Variants in CELF2 observed in about 807,000 individuals in gnomAD.
CELF2 encodes the protein CUGBP Elav-like family member 2.
CELF2 carries 8 observed loss-of-function variants against 62.6 expected under a neutral mutation model. The observed-to-expected ratio is 0.13, with a 90% confidence interval of 0.07 to 0.23. CELF2 has a LOEUF of 0.23. Ranked by LOEUF, CELF2 falls within the 10% of genes least tolerant of loss-of-function variation. The probability of loss-of-function intolerance (pLI) is 1.00; values close to 1 mark genes in which losing one functional copy is unlikely to be tolerated. For synonymous variants in CELF2, 258 were observed against 250.0 expected, an observed-to-expected ratio of 1.03 and a Z score of -0.30; for missense variants, 333 against 671.0, an observed-to-expected ratio of 0.50 and a Z score of 5.56.
the CELF2 span, among the ~76,000 whole-genome samples, chr10:10,612,632 G>C: frequency 6.6e-6 from 1 of 152,160 alleles, no homozygotes. Flanking sequence ...AATTTCTCCA[G>C]GTCTCCATCA....
Position 11,330,252 on chromosome 10 carries a change from G to C in CELF2, c.*1199G>C, listed in dbSNP as rs6602492. 151,486 of 152,762 alleles carry C rather than the reference G, an allele frequency of 0.99. 75,131 individuals are homozygous for C. The highest frequency in any genetic ancestry group is 1 in the Middle Eastern group (294 of 294). 9.5% of individuals were successfully genotyped at this position (152,762 alleles called of 1,614,324 possible). ...CCCCAAAACACCCGGAATCCATCCC[G>C]TTTCGCTCTCTCCAGATGGATTCTC... On this transcript the variant is annotated 3_prime_UTR_variant, in exon 13 of 13. Transcript: ENST00000633077. The surrounding 1 kb of genome is among the most constrained non-coding windows in gnomAD (Gnocchi z 4.5).
intron 1 of CELF2, among the ~76,000 whole-genome samples, chr10:11,088,711 T>G (rs1374004242): frequency 6.6e-6 from 1 of 152,192 alleles, no homozygotes; most frequent in Non-Finnish European, 1.5e-5. Flanking sequence ...CTTAGTTGCA[T>G]AGAACCTCTT....
the CELF2 span, among the ~76,000 whole-genome samples, chr10:10,628,727 T>C: frequency 9.9e-5 from 15 of 152,276 alleles, no homozygotes; most frequent in South Asian, 2.9e-3. Flanking sequence ...TCTTTGCTAT[T>C]GTGAATAGTG....
chr10:11,193,827 T>C (rs1392554199), intron 2 of CELF2, among the ~76,000 whole-genome samples: 1 of 152,208 alleles, frequency 6.6e-6, no homozygotes, highest in Non-Finnish European at 1.5e-5. Flanking sequence ...AAAGTGCCCA[T>C]ATGACGCTTC....
At chr10:11,219,876 C>T (rs1368942796) in intron 3 of CELF2, among the ~76,000 whole-genome samples, 1 of 152,142 alleles carries the variant, frequency 6.6e-6, no homozygotes, top group Non-Finnish European at 1.5e-5. Context: ...CAATATACAC[C>T]TGTTTTCCCA....
rs1449259951 is a variant in CELF2 at position 11,319,212 on chromosome 10, T to G, written c.1097-1977T>G. On this transcript the variant is annotated intron_variant, in intron 10 of 12. Coordinates refer to ENST00000633077, the MANE Select transcript of CELF2 (RefSeq NM_001326342.2). This position sits in a 1 kb window ranked among gnomAD's most constrained non-coding sequence, Gnocchi z 4.4. Reference sequence around the variant, plus strand: ...TAATCCACAGCACCCGTTAACAGCCTGGCCAAAGTGAGACCAACAGAATTT... The same window carrying G: ...TAATCCACAGCACCCGTTAACAGCCGGGCCAAAGTGAGACCAACAGAATTT... The G allele has an allele frequency of 2.4e-6, 1 of 411,442 alleles. No homozygotes were observed. Among genetic ancestry groups the G allele is most frequent in the African/African-American group, 2.1e-5 (1 of 47,990 alleles). The allele number at this position is 411,442 out of a possible 1,614,324, so 25.5% of individuals were successfully genotyped here.
chr10:11,131,403 G>T (rs1273866878), intron 1 of CELF2, among the ~76,000 whole-genome samples: 1 of 152,192 alleles, frequency 6.6e-6, no homozygotes. Flanking sequence ...TAAGATCTGG[G>T]ATTCATCATC....
the CELF2 span, among the ~76,000 whole-genome samples, chr10:10,772,081 G>GATT: frequency 1.3e-5 from 2 of 151,838 alleles, no homozygotes; most frequent in African/African-American, 4.8e-5. Context: ...TGTGCCTATT[G>GATT]TACAGAAAGA....
At chr10:10,681,958 G>A in the CELF2 span, among the ~76,000 whole-genome samples, 1 of 152,166 alleles carries the variant, frequency 6.6e-6, no homozygotes, top group South Asian at 2.1e-4. Context: ...ACTGGCTAAT[G>A]TTCTAGATTT....
At chr10:10,617,105 A>T in the CELF2 span, among the ~76,000 whole-genome samples, 1 of 152,142 alleles carries the variant, frequency 6.6e-6, no homozygotes, top group African/African-American at 2.4e-5. Flanking sequence ...AGCTAATAAC[A>T]ATTTTACATA....
the CELF2 span, among the ~76,000 whole-genome samples, chr10:10,734,727 A>G: frequency 2.0e-5 from 3 of 152,352 alleles, no homozygotes; most frequent in Non-Finnish European, 4.4e-5. Context: ...TATTGTGGTC[A>G]TAATACTTCA....
chr10:11,209,990 A>G (rs2061414281), intron 2 of CELF2, among the ~76,000 whole-genome samples: 2 of 152,192 alleles, frequency 1.3e-5, no homozygotes, highest in Non-Finnish European at 2.9e-5. Context: ...TGCACATACA[A>G]AAGAGAGCTT....
chr10:11,282,338 G>A (rs557692846), intron 8 of CELF2, among the ~76,000 whole-genome samples: 1 of 152,322 alleles, frequency 6.6e-6, no homozygotes, highest in African/African-American at 2.4e-5. Context: ...AGGCACCCAG[G>A]GAAGGGGCGG....
chr10:10,677,096 G>T, the CELF2 span, among the ~76,000 whole-genome samples: 1 of 152,180 alleles, frequency 6.6e-6, no homozygotes, highest in Admixed American at 6.5e-5. Context: ...AATAATGAGG[G>T]CTATAGCAAT....
the CELF2 span, among the ~76,000 whole-genome samples, chr10:10,645,821 A>C: frequency 6.6e-6 from 1 of 152,236 alleles, no homozygotes; most frequent in Non-Finnish European, 1.5e-5. Flanking sequence ...AAGGCAAAGA[A>C]GATATTCCTG....
At chr10:11,205,734 A>T (rs889451986) in intron 2 of CELF2, among the ~76,000 whole-genome samples, 1 of 152,168 alleles carries the variant, frequency 6.6e-6, no homozygotes, top group African/African-American at 2.4e-5. Flanking sequence ...GAATTTCTTA[A>T]ATGATTTCCG....
rs140743185 is a variant in CELF2 at position 11,307,064 on chromosome 10, A to G, written c.977-7075A>G. 6.7e-3 allele frequency among the ~76,000 whole-genome samples: 1,014 copies of G among 152,316 alleles called. 52 individuals are homozygous for G. Among genetic ancestry groups the G allele is most frequent in the Admixed American group, 0.059 (906 of 15,302 alleles). On this transcript the variant is annotated intron_variant, in intron 9 of 12. Coordinates refer to ENST00000633077, the MANE Select transcript of CELF2 (RefSeq NM_001326342.2). ...GCCATCACCATTGGGAGTCAGCCAC[A>G]TGAGAGCAGTGTGTGGCATCAACAC...
intron 4 of CELF2, among the ~76,000 whole-genome samples, chr10:11,251,396 T>C (rs1443525957): frequency 6.7e-6 from 1 of 149,134 alleles, no homozygotes; most frequent in African/African-American, 2.5e-5. Context: ...TTCTGTCCAG[T>C]GTCCACTGTG....
intron 2 of CELF2, among the ~76,000 whole-genome samples, chr10:10,955,922 A>G (rs2048838370): frequency 6.6e-6 from 1 of 152,194 alleles, no homozygotes; most frequent in Admixed American, 6.5e-5. Context: ...ATGCCCGACC[A>G]CAATAGTTTA....
Sources: allele counts gnomAD v4.1 joint callset (sites outside exome capture counted in the v4.1 genomes callset), GRCh38; gene constraint gnomAD v4.1.1; non-coding constraint Gnocchi (gnomAD v3.1); transcripts MANE v1.5; gene names NCBI Gene and HGNC (gene_info 2026-07-23, HGNC 2026-07-21).